Variants in RBFOX1 observed in about 807,000 individuals in gnomAD.
The protein encoded by RBFOX1 is RNA binding protein fox-1 homolog 1.
RBFOX1 carries 8 observed loss-of-function variants against 57.7 expected under a neutral mutation model. The ratio of observed to expected loss-of-function variants is 0.14; its 90% CI spans 0.08 to 0.25. RBFOX1 has a LOEUF of 0.25. Among genes scored for constraint, RBFOX1 ranks in the 10% least tolerant of loss-of-function variants. The pLI is 1.00. For synonymous variants in RBFOX1, 326 were observed against 222.4 expected, an observed-to-expected ratio of 1.47 and a Z score of -4.15; for missense variants, 611 against 548.5, an observed-to-expected ratio of 1.11 and a Z score of -1.14.
chr16:6,925,624 G>A lies in RBFOX1; in HGVS notation c.-15-126433G>A, dbSNP rs79317512. Among the ~76,000 whole-genome samples, 2,073 of 152,054 alleles carry A rather than the reference G, an allele frequency of 0.014. 71 individuals are homozygous for A. The East Asian group carries it at 0.14, about 10-fold the overall frequency. Reference sequence around the variant, plus strand: ...AATCCATAAATATTTGGGGGCATCAGTAAATAAGATAGTGGCTACAAAGGG... The same window carrying A: ...AATCCATAAATATTTGGGGGCATCAATAAATAAGATAGTGGCTACAAAGGG... On this transcript the variant is annotated intron_variant, in intron 3 of 15. Transcript: ENST00000550418.
intron 5 of RBFOX1, among the ~76,000 whole-genome samples, chr16:7,550,377 G>C (rs1018270740): frequency 1.3e-5 from 2 of 152,090 alleles, no homozygotes; most frequent in South Asian, 4.2e-4. Flanking sequence ...TATAGAGGCA[G>C]CTGTGACGAT....
chr16:6,715,486 T>C (rs575106726), intron 3 of RBFOX1, among the ~76,000 whole-genome samples: 54 of 152,300 alleles, frequency 3.5e-4, no homozygotes, highest in African/African-American at 1.3e-3. Context: ...AAGGAGGTTA[T>C]AATCTATAAG....
chr16:5,577,914 A>C (rs2046522995), intron 2 of RBFOX1, among the ~76,000 whole-genome samples: 1 of 152,166 alleles, frequency 6.6e-6, no homozygotes, highest in African/African-American at 2.4e-5. Flanking sequence ...GGCCAAGTCA[A>C]ATTTAAGAAG....
intron 1 of RBFOX1, among the ~76,000 whole-genome samples, chr16:6,303,805 C>CTTTTTTT (rs1177185329): frequency 2.4e-4 from 17 of 70,404 alleles, no homozygotes; most frequent in East Asian, 5.6e-4. Context: ...GAAACCCTGT[C>CTTTTTTT]TTTTTTTTTT....
In RBFOX1 at chr16:5,559,740, TAA is replaced by T. The variant is rs971325579; in HGVS notation, c.259-39158_259-39157del. Among the ~76,000 whole-genome samples, 120 of 152,312 alleles carry T rather than the reference TAA, an allele frequency of 7.9e-4. 1 individual carries two copies. Among genetic ancestry groups the T allele is most frequent in the African/African-American group, 2.8e-3 (116 of 41,576 alleles). On this transcript the variant is annotated intron_variant, in intron 2 of 2. Coordinates refer to the RBFOX1 transcript ENST00000585867. ...TAGGTCATTCTGTCTTGTGCAACGTTAAAAAGTCTTCAGTGATAACCACTCCC... is the reference window on the plus strand; with the variant it reads ...TAGGTCATTCTGTCTTGTGCAACGTTAAAGTCTTCAGTGATAACCACTCCC...
At chr16:7,102,349 A>T (rs1344437408) in intron 4 of RBFOX1, among the ~76,000 whole-genome samples, 2 of 152,236 alleles carry the variant, frequency 1.3e-5, no homozygotes, top group Non-Finnish European at 2.9e-5. Context: ...ACAGAGCCTA[A>T]GTCTTACTGA....
intron 1 of RBFOX1, among the ~76,000 whole-genome samples, chr16:6,197,976 C>G (rs1317467365): frequency 6.6e-6 from 1 of 152,224 alleles, no homozygotes; most frequent in Non-Finnish European, 1.5e-5. Flanking sequence ...AAAGGACATG[C>G]TTTCATTTGT....
chr16:6,249,489 A>C (rs1407150093), intron 1 of RBFOX1, among the ~76,000 whole-genome samples: 1 of 152,124 alleles, frequency 6.6e-6, no homozygotes. Context: ...GTGCCACTGC[A>C]CTCCAGCTTG....
chr16:7,585,353 C>G (rs2094047936), intron 6 of RBFOX1, among the ~76,000 whole-genome samples: 1 of 152,162 alleles, frequency 6.6e-6, no homozygotes, highest in Non-Finnish European at 1.5e-5. Flanking sequence ...AAGGAATATT[C>G]TCTTGACCAA....
intron 4 of RBFOX1, among the ~76,000 whole-genome samples, chr16:7,329,060 G>T (rs1393791188): frequency 6.6e-6 from 1 of 152,118 alleles, no homozygotes; most frequent in Non-Finnish European, 1.5e-5. Flanking sequence ...ATCCTTCTTT[G>T]GTGTATTGTC....
At chr16:5,828,781 G>A (rs1211998418) in intron 3 of RBFOX1, among the ~76,000 whole-genome samples, 1 of 152,172 alleles carries the variant, frequency 6.6e-6, no homozygotes, top group East Asian at 1.9e-4. Flanking sequence ...GGAGTGCTGG[G>A]CAAGGAAGAG....
chr16:7,339,034 C>G (rs1047054315), intron 4 of RBFOX1, among the ~76,000 whole-genome samples: 1 of 152,158 alleles, frequency 6.6e-6, no homozygotes, highest in Non-Finnish European at 1.5e-5. Context: ...GCCATGTCAA[C>G]AGCGGACTAA....
At chr16:6,842,983 C>G (rs1318700883) in intron 3 of RBFOX1, among the ~76,000 whole-genome samples, 2 of 152,094 alleles carry the variant, frequency 1.3e-5, no homozygotes, top group African/African-American at 4.8e-5. Flanking sequence ...CATCCATGTC[C>G]TTGCAAAGGA....
intron 1 of RBFOX1, among the ~76,000 whole-genome samples, chr16:6,143,777 TG>T (rs2096736780): frequency 6.6e-6 from 1 of 152,130 alleles, no homozygotes; most frequent in Admixed American, 6.5e-5. Flanking sequence ...CTGATACTTT[TG>T]CTTTTCACTT....
At chr16:6,853,344 CTG>C (rs2094169720) in intron 3 of RBFOX1, among the ~76,000 whole-genome samples, 2 of 152,208 alleles carry the variant, frequency 1.3e-5, no homozygotes, top group East Asian at 1.9e-4. Context: ...TGGCATACCT[CTG>C]TGCATTGTAG....
chr16:5,356,411 G>A (rs548349880), intron 1 of RBFOX1, among the ~76,000 whole-genome samples: 6 of 152,288 alleles, frequency 3.9e-5, no homozygotes, highest in African/African-American at 7.2e-5. Context: ...AACTTTCTTC[G>A]TGACTCAATA....
chr16:6,529,617 C>G (rs960014861), intron 2 of RBFOX1, among the ~76,000 whole-genome samples: 1 of 151,678 alleles, frequency 6.6e-6, no homozygotes, highest in African/African-American at 2.4e-5. Context: ...AACATTGAGT[C>G]AGCTGTTTTC....
At chr16:7,101,504 C>G in intron 4 of RBFOX1, among the ~76,000 whole-genome samples, 1 of 152,068 alleles carries the variant, frequency 6.6e-6, no homozygotes. Flanking sequence ...AGAAAGAGAC[C>G]GGCTGTACCA....
chr16:7,638,350 A>T (rs890121073), intron 11 of RBFOX1, among the ~76,000 whole-genome samples: 2 of 152,140 alleles, frequency 1.3e-5, no homozygotes, highest in African/African-American at 4.8e-5. Flanking sequence ...CTTGTCCGAG[A>T]TCACCCAGCT....
Sources: allele counts gnomAD v4.1 joint callset (sites outside exome capture counted in the v4.1 genomes callset), GRCh38; gene constraint gnomAD v4.1.1; transcripts MANE v1.5; gene names NCBI Gene and HGNC (gene_info 2026-07-23, HGNC 2026-07-21).